TP73: variants seen among roughly 807,000 people sequenced by gnomAD.
The protein encoded by TP73 is tumor protein p73.
A neutral mutation model predicts 62.5 loss-of-function variants in TP73; 25 were observed. The ratio of observed to expected loss-of-function variants is 0.40; its 90% CI spans 0.29 to 0.56. The LOEUF (loss-of-function observed/expected upper bound fraction) is 0.56, where lower values mean the gene tolerates loss of function less well. TP73 is among the 20% of genes least tolerant of loss of function. The probability of loss-of-function intolerance (pLI) is 0.46; values close to 1 mark genes in which losing one functional copy is unlikely to be tolerated. For synonymous variants in TP73, 423 were observed against 377.5 expected (o/e 1.12, Z -1.40); for missense variants, 754 against 913.3 (o/e 0.83, Z 2.25).
Position 3,730,030 on chromosome 1 carries a change from G to C in TP73, c.1227G>C (p.Pro409=). 3 of 1,609,076 alleles carry C rather than the reference G, an allele frequency of 1.9e-6. No homozygotes were observed. The highest frequency in any genetic ancestry group is 2.2e-5 in the South Asian group (2 of 90,604). Residue 409 remains proline (P), a synonymous_variant, in exon 11 of 14, where the codon CCG becomes CCC. Transcript: ENST00000378295. ...PSHLQPPSYG[P]VLSPMNKVHG... is the part of the protein sequence containing the mutation. ...ACCTACAGCCCCCGTCCTACGGGCC[G>C]GTCCTCTCGCCCATGAACAAGGTGC...
chr1:3,723,589 G>A (rs960891240), intron 6 of TP73, 120 bp downstream of exon 6: 18 of 735,820 alleles, frequency 2.4e-5, no homozygotes, highest in Admixed American at 4.3e-5. Context: ...CTGTCCTGTC[G>A]GCATCTGTCC....
intron 4 of TP73, among the ~76,000 whole-genome samples, chr1:3,720,018 C>T (rs1640944030): frequency 6.6e-6 from 1 of 151,470 alleles, no homozygotes; most frequent in Admixed American, 6.6e-5. Flanking sequence ...CGAGTTCAAG[C>T]GATTCTCCTG....
chr1:3,707,544 G>T lies in TP73; in HGVS notation c.187-5G>T. 1 of 1,600,900 alleles carries T rather than the reference G, an allele frequency of 6.2e-7. No individual in the cohort carries two copies. Among genetic ancestry groups the T allele is most frequent in the African/African-American group, 1.3e-5 (1 of 74,654 alleles). On this transcript the variant is annotated splice_polypyrimidine_tract_variant and splice_region_variant and intron_variant, in intron 3 of 13. Transcript: ENST00000378295. ...CCCCCTCCCTCCTCCCCTTTCCCGC[G>T]CCAGGCCCAGTTCAATCTGCTGAGC... is the stretch of plus-strand genomic sequence containing the variant.
At position 3,723,473 on chromosome 1, in the gene TP73, G is replaced by C; in HGVS notation, c.732+4G>C. On this transcript the variant is annotated splice_donor_region_variant and intron_variant, in intron 6 of 13. Transcript: ENST00000378295. Reference sequence around the variant, plus strand: ...GGTGCCCTATGAGCCACCACAGGTAGGCCAGGAGCCAGGCTGTGCCCAGGG... The same window carrying C: ...GGTGCCCTATGAGCCACCACAGGTACGCCAGGAGCCAGGCTGTGCCCAGGG... 6.2e-7 allele frequency: 1 copy of C among 1,610,048 alleles called. No homozygotes were observed. The highest frequency in any genetic ancestry group is 8.5e-7 in the Non-Finnish European group (1 of 1,178,012).
intron 6 of TP73, among the ~76,000 whole-genome samples, chr1:3,726,822 T>C (rs1641672170): frequency 7.2e-6 from 1 of 138,998 alleles, no homozygotes; most frequent in South Asian, 2.3e-4. Flanking sequence ...AGTGGATGGA[T>C]GGATGGATAG....
At chr1:3,706,661 C>T (rs1451323442) in intron 3 of TP73, among the ~76,000 whole-genome samples, 1 of 152,168 alleles carries the variant, frequency 6.6e-6, no homozygotes, top group East Asian at 1.9e-4. Context: ...TCTGCCCTGC[C>T]CTGGATCTGA....
intron 3 of TP73, 77 bp downstream of exon 3, chr1:3,683,257 G>C: frequency 6.7e-7 from 1 of 1,496,370 alleles, no homozygotes; most frequent in Non-Finnish European, 9.0e-7. Flanking sequence ...TTGGGAGCCT[G>C]GCAGAACCAG....
chr1:3,723,872 C>G (rs1212397545), intron 6 of TP73, among the ~76,000 whole-genome samples: 1 of 152,146 alleles, frequency 6.6e-6, no homozygotes, highest in African/African-American at 2.4e-5. Flanking sequence ...AGAACCAAAC[C>G]AGCAACAGCG....
chr1:3,657,928 C>G (rs906457510), intron 1 of TP73, among the ~76,000 whole-genome samples: 6 of 152,182 alleles, frequency 3.9e-5, no homozygotes, highest in Non-Finnish European at 7.3e-5. Context: ...GAACAAGAAG[C>G]CCCACCGGGA....
intron 3 of TP73, among the ~76,000 whole-genome samples, chr1:3,695,166 G>A (rs1481060109): frequency 6.6e-6 from 1 of 152,226 alleles, no homozygotes; most frequent in Non-Finnish European, 1.5e-5. Flanking sequence ...ACTTCTGCCT[G>A]TAGCAAGGAA....
chr1:3,689,073 G>C (rs1383715979), intron 3 of TP73, among the ~76,000 whole-genome samples: 1 of 152,106 alleles, frequency 6.6e-6, no homozygotes, highest in East Asian at 1.9e-4. Context: ...CTGAGGGTCT[G>C]TCCATCCCTG....
In TP73 at chr1:3,733,034, C is replaced by A. The variant is rs1422937066; in HGVS notation, c.1866C>A (p.Arg622=). The A allele has an allele frequency of 1.9e-6, 3 of 1,546,674 alleles. No individual in the cohort carries two copies. Among genetic ancestry groups the A allele is most frequent in the South Asian group, 1.2e-5 (1 of 84,856 alleles). ...TCGACCTGCCCGACTGCAAGGCCCG[C>A]AAGCAGCCCATCAAGGAGGAGTTCA... is the stretch of plus-strand genomic sequence containing the variant. ...FGFDLPDCKA[R]KQPIKEEFTE... Residue 622 remains arginine, a synonymous_variant, in exon 14 of 14, where the codon CGC becomes CGA. Coordinates refer to ENST00000378295, the MANE Select transcript of TP73 (RefSeq NM_005427.4).
intron 1 of TP73, among the ~76,000 whole-genome samples, chr1:3,674,428 G>A (rs752752667): frequency 9.9e-5 from 15 of 152,248 alleles, no homozygotes; most frequent in Non-Finnish European, 1.9e-4. Context: ...CAAACTAGGG[G>A]AGTGGGGCAG....
At chr1:3,709,295 G>C (rs1278880238) in intron 4 of TP73, among the ~76,000 whole-genome samples, 1 of 152,234 alleles carries the variant, frequency 6.6e-6, no homozygotes, top group Non-Finnish European at 1.5e-5. Context: ...AGGGGCAGAG[G>C]ACCTGGCACC....
At chr1:3,710,278 G>A (rs572246930) in intron 4 of TP73, among the ~76,000 whole-genome samples, 2 of 152,246 alleles carry the variant, frequency 1.3e-5, no homozygotes, top group East Asian at 3.9e-4. Flanking sequence ...GAAGCCCTGT[G>A]GATCCAGGGG....
chr1:3,693,180 C>G (rs1481596068), intron 3 of TP73, among the ~76,000 whole-genome samples: 1 of 152,200 alleles, frequency 6.6e-6, no homozygotes, highest in Admixed American at 6.5e-5. Context: ...GGAGTGGTGA[C>G]TCAGTTTCCC....
intron 6 of TP73, 81 bp from the exon 7 acceptor site, chr1:3,727,034 A>C: frequency 8.2e-7 from 1 of 1,219,118 alleles, no homozygotes; most frequent in Non-Finnish European, 1.2e-6. Context: ...CCAGGACCAG[A>C]CATGGAGCTG....
chr1:3,716,284 C>A (rs1264581725), intron 4 of TP73, among the ~76,000 whole-genome samples: 1 of 152,188 alleles, frequency 6.6e-6, no homozygotes, highest in Non-Finnish European at 1.5e-5. Flanking sequence ...CCTGCAGCCC[C>A]CCCAGCCAGG....
rs373171845 is a variant in TP73, at chr1:3,730,062, G to T, written c.1259G>T (p.Gly420Val). ...TCGCCCATGAACAAGGTGCACGGGG[G>T]CATGAACAAGCTGCCCTCCGTCAAC... is the stretch of plus-strand genomic sequence containing the variant. Reference protein sequence around the residue: ...VLSPMNKVHGGMNKLPSVNQL... With the variant: ...VLSPMNKVHGVMNKLPSVNQL... The change falls in exon 11 of 14, where the codon GGC (glycine) becomes GTC (valine). Residue 420 changes from glycine (G) to valine (V), a missense_variant. By Grantham distance (109) the Gly-to-Val change is moderately radical (BLOSUM62 -3). Transcript: ENST00000378295. The T allele has an allele frequency of 6.2e-7, 1 of 1,605,704 alleles. No homozygotes were observed. Among genetic ancestry groups the T allele is most frequent in the Non-Finnish European group, 8.5e-7 (1 of 1,176,770 alleles).
Sources: allele counts gnomAD v4.1 joint callset (sites outside exome capture counted in the v4.1 genomes callset), GRCh38; gene constraint gnomAD v4.1.1; transcripts MANE v1.5; gene names NCBI Gene and HGNC (gene_info 2026-07-23, HGNC 2026-07-21).